RGS5: variants seen among roughly 807,000 people sequenced by gnomAD.
RGS5 encodes regulator of G protein signaling 5, also known as regulator of G-protein signalling 5.
A neutral mutation model predicts 18.9 loss-of-function variants in RGS5; 20 were observed. That is an observed-to-expected ratio of 1.06 (90% CI 0.74 to 1.54). The LOEUF (loss-of-function observed/expected upper bound fraction) is 1.54. Ranked by LOEUF, RGS5 falls within the 40% of genes most tolerant of loss-of-function variation. The pLI, the probability that RGS5 is intolerant of heterozygous loss-of-function variation, is 0.00. For missense variants in RGS5, 201 were observed against 211.8 expected, an observed-to-expected ratio of 0.95 and a Z score of 0.32; for synonymous variants, 57 against 76.2, an observed-to-expected ratio of 0.75 and a Z score of 1.31.
intron 2 of RGS5, among the ~76,000 whole-genome samples, chr1:163,229,332 T>C (rs1647414330): frequency 6.6e-6 from 1 of 152,118 alleles, no homozygotes; most frequent in African/African-American, 2.4e-5. Context: ...AACCATCAGA[T>C]CTCTTGAGAC....
rs1462700441 is a variant in RGS5 at position 163,168,301 on chromosome 1, T to A, written c.112A>T (p.Ile38Phe). Residue 38 changes from isoleucine to phenylalanine, a missense_variant, in exon 2 of 5, where the codon ATT becomes TTT. By Grantham distance (21) the Ile-to-Phe change is conservative. Transcript: ENST00000313961. ...QKPDSVGDLV[I>F]PYNEKPEKPA... ...TTCTCTGGCTTCTCATTGTACGGAA[T>A]GACAAGGTCACCAACTGAGTCTGGC... 4 of 1,613,942 alleles carry A rather than the reference T, an allele frequency of 2.5e-6. No individual in the cohort carries two copies. Among genetic ancestry groups the A allele is most frequent in the Non-Finnish European group, 3.4e-6 (4 of 1,179,840 alleles).
intron 2 of RGS5, among the ~76,000 whole-genome samples, chr1:163,251,216 TAAC>T (rs928954451): frequency 8.5e-5 from 13 of 152,210 alleles, no homozygotes; most frequent in African/African-American, 3.1e-4. Flanking sequence ...TTCCTTAAAT[TAAC>T]AATCTTTTTC....
chr1:163,319,912 C>T (rs1166392951), intron 1 of RGS5, among the ~76,000 whole-genome samples: 1 of 152,192 alleles, frequency 6.6e-6, no homozygotes. Context: ...CTACCTTACA[C>T]TGACCAGTAT....
intron 1 of RGS5, among the ~76,000 whole-genome samples, chr1:163,195,949 A>G (rs1219692842): frequency 6.6e-6 from 1 of 152,188 alleles, no homozygotes. Flanking sequence ...TAAGGAAGAA[A>G]TAGAGGAAGT....
At chr1:163,319,527 CAG>C (rs1398850074) in intron 1 of RGS5, among the ~76,000 whole-genome samples, 2 of 152,164 alleles carry the variant, frequency 1.3e-5, no homozygotes, top group Non-Finnish European at 2.9e-5. Context: ...TGTCAGGAAT[CAG>C]GGAAAGAGCT....
chr1:163,152,562 C>T lies in RGS5; in HGVS notation c.372G>A (p.Glu124=). ...CCCAGAGACCAACCTCTTTAGGAGC[C>T]TCCGTTTGAATGAATTCTTCATAAA... ...KQIYEEFIQT[E]APKEVNIDHF... is the part of the protein sequence containing the mutation. The change falls in exon 4 of 5, where the codon GAG becomes GAA. Residue 124 remains glutamate (E), a synonymous_variant. Coordinates refer to ENST00000313961, the MANE Select transcript of RGS5 (RefSeq NM_003617.4). The T allele has an allele frequency of 6.2e-7, 1 of 1,612,020 alleles. No homozygotes were observed. Among genetic ancestry groups the T allele is most frequent in the Non-Finnish European group, 8.5e-7 (1 of 1,178,918 alleles).
rs147792117 is a variant in RGS5 at position 163,245,958 on chromosome 1, G to A, written c.-281+60275C>T. Among the ~76,000 whole-genome samples, 1,407 of 152,356 alleles carry A rather than the reference G, an allele frequency of 9.2e-3. 25 individuals carry two copies. Among genetic ancestry groups the A allele is most frequent in the African/African-American group, 0.032 (1,329 of 41,574 alleles). On this transcript the variant is annotated intron_variant, in intron 2 of 5. Coordinates refer to the RGS5 transcript ENST00000618415. ...AGTCCGGGGGCTGTGGCTCACGCCT[G>A]TAATCCCAGCATTTTGGGAGGCCAA...
chr1:163,204,173 C>T (rs1659881343), upstream of RGS5, among the ~76,000 whole-genome samples: 1 of 152,040 alleles, frequency 6.6e-6, no homozygotes, highest in Non-Finnish European at 1.5e-5. Context: ...TATCCAAGTG[C>T]ATCGGATGTA....
At chr1:163,172,191 C>T (rs369255902) in intron 1 of RGS5, among the ~76,000 whole-genome samples, 37 of 152,190 alleles carry the variant, frequency 2.4e-4, no homozygotes, top group Middle Eastern at 3.2e-3. Flanking sequence ...GACCTCTATA[C>T]AGTACCTAGC....
At chr1:163,299,911 T>G (rs1182820145) in intron 2 of RGS5, among the ~76,000 whole-genome samples, 3 of 152,202 alleles carry the variant, frequency 2.0e-5, no homozygotes, top group African/African-American at 7.2e-5. Flanking sequence ...CTGAGAATAT[T>G]TTGGAAAGGT....
chr1:163,313,818 G>A (rs548072347), intron 1 of RGS5, among the ~76,000 whole-genome samples: 6 of 152,116 alleles, frequency 3.9e-5, no homozygotes, highest in Non-Finnish European at 8.8e-5. Flanking sequence ...TGCTGCACAG[G>A]TTACAAAAAT....
intron 2 of RGS5, among the ~76,000 whole-genome samples, chr1:163,292,266 G>A (rs1394442919): frequency 6.6e-6 from 1 of 152,030 alleles, no homozygotes; most frequent in East Asian, 1.9e-4. Flanking sequence ...GAGAACATGT[G>A]GTATTTGGTT....
intron 1 of RGS5, among the ~76,000 whole-genome samples, chr1:163,174,136 C>T (rs1658433541): frequency 1.3e-5 from 2 of 152,094 alleles, no homozygotes; most frequent in Admixed American, 6.6e-5. Flanking sequence ...CCCTAACTTC[C>T]CAATGTGCAA....
At chr1:163,226,003 C>T (rs968877559) in intron 2 of RGS5, among the ~76,000 whole-genome samples, 8 of 151,868 alleles carry the variant, frequency 5.3e-5, no homozygotes, top group African/African-American at 1.9e-4. Context: ...TCACTGCAAC[C>T]TCCACCTCCC....
intron 2 of RGS5, among the ~76,000 whole-genome samples, chr1:163,249,323 C>T (rs1237526585): frequency 6.6e-6 from 1 of 152,198 alleles, no homozygotes; most frequent in East Asian, 1.9e-4. Flanking sequence ...CTGCACTATA[C>T]CAATAGTCTC....
At chr1:163,253,776 A>C (rs1023472725) in intron 2 of RGS5, among the ~76,000 whole-genome samples, 1 of 151,028 alleles carries the variant, frequency 6.6e-6, no homozygotes, top group African/African-American at 2.4e-5. Flanking sequence ...CATTAGGTAT[A>C]TCTCCTAAAG....
At chr1:163,300,974 G>A (rs1399887054) in intron 2 of RGS5, among the ~76,000 whole-genome samples, 1 of 152,148 alleles carries the variant, frequency 6.6e-6, no homozygotes, top group African/African-American at 2.4e-5. Context: ...TACAGGCCTG[G>A]TATGGGAAGA....
chr1:163,271,754 T>G (rs55953642), intron 2 of RGS5, among the ~76,000 whole-genome samples: 32,448 of 152,120 alleles, frequency 0.21, 3,698 homozygotes, highest in African/African-American at 0.3. Flanking sequence ...TATGAACATT[T>G]GCATTTAAGT....
chr1:163,240,321 A>G (rs1003895338), intron 2 of RGS5, among the ~76,000 whole-genome samples: 4 of 152,164 alleles, frequency 2.6e-5, no homozygotes, highest in Non-Finnish European at 5.9e-5. Flanking sequence ...AAAAACATAA[A>G]TAAGTCTCAA....
Sources: gnomAD v4.1 joint callset for allele counts (sites outside exome capture counted in the v4.1 genomes callset) on GRCh38, gnomAD v4.1.1 for gene constraint, MANE v1.5 for transcripts, NCBI Gene and HGNC (gene_info 2026-07-23, HGNC 2026-07-21) for gene names.